ANXA13: variants seen among roughly 807,000 people sequenced by gnomAD.
ANXA13 encodes the protein annexin A13, also known as annexin XIII.
A neutral mutation model predicts 46.6 loss-of-function variants in ANXA13; 36 were observed. The ratio of observed to expected loss-of-function variants is 0.77; its 90% CI spans 0.59 to 1.02. The LOEUF is 1.02. ANXA13 is among the 50% of genes least tolerant of loss of function. The pLI is 0.00. For synonymous variants in ANXA13, 163 were observed against 152.9 expected (o/e 1.07, Z -0.49); for missense variants, 417 against 396.5 (o/e 1.05, Z -0.44).
At chr8:123,710,727 T>G (rs1008581754) in intron 2 of ANXA13, among the ~76,000 whole-genome samples, 2 of 151,868 alleles carry the variant, frequency 1.3e-5, no homozygotes, top group South Asian at 4.2e-4. Context: ...CTTACTGGCT[T>G]GGTGACTTTG....
chr8:123,713,131 C>G (rs1030869600), intron 1 of ANXA13, among the ~76,000 whole-genome samples: 1 of 152,214 alleles, frequency 6.6e-6, no homozygotes, highest in African/African-American at 2.4e-5. Flanking sequence ...TGAGACACAG[C>G]TATGTCTAAG....
intron 1 of ANXA13, 112 bp from the exon 2 acceptor site, chr8:123,712,865 G>A: frequency 1.1e-6 from 1 of 891,204 alleles, no homozygotes; most frequent in Non-Finnish European, 1.8e-6. Flanking sequence ...CCAGGGACCA[G>A]CTGTCACTTC....
At chr8:123,726,691 T>G (rs987818462) in intron 1 of ANXA13, among the ~76,000 whole-genome samples, 7 of 152,222 alleles carry the variant, frequency 4.6e-5, no homozygotes, top group Non-Finnish European at 7.3e-5. Flanking sequence ...GATCCAGCAA[T>G]CTCACTACTG....
At chr8:123,685,718 C>T (rs1404126081) in intron 9 of ANXA13, among the ~76,000 whole-genome samples, 3 of 152,116 alleles carry the variant, frequency 2.0e-5, no homozygotes, top group East Asian at 1.9e-4. Context: ...GGGGACCAGC[C>T]GCCTTTTACA....
At chr8:123,710,248 TGCCAAGTAAAAGAA>T (rs1304838817) in intron 2 of ANXA13, among the ~76,000 whole-genome samples, 2 of 152,192 alleles carry the variant, frequency 1.3e-5, no homozygotes, top group Non-Finnish European at 2.9e-5. Flanking sequence ...TAAAACATTA[TGCCAAGTAAAAGAA>T]GCCACATATC....
chr8:123,690,363 C>T lies in ANXA13; in HGVS notation c.643-1417G>A, dbSNP rs1056616165. 4.7e-4 allele frequency among the ~76,000 whole-genome samples: 71 copies of T among 152,278 alleles called. No individual in the cohort carries two copies. Among genetic ancestry groups the T allele is most frequent in the African/African-American group, 1.7e-3 (69 of 41,558 alleles). On this transcript the variant is annotated intron_variant, in intron 8 of 10. Coordinates refer to ENST00000419625, the MANE Select transcript of ANXA13 (RefSeq NM_004306.4). The surrounding 1 kb of genome is among the most constrained non-coding windows in gnomAD (Gnocchi z 4.6). Reference sequence around the variant, plus strand: ...CAGAAAGCAGAGCTGTGCTGGGAGGCGGGAGGTGGGCTCCTTTCCCTTGCC... The same window carrying T: ...CAGAAAGCAGAGCTGTGCTGGGAGGTGGGAGGTGGGCTCCTTTCCCTTGCC...
chr8:123,726,518 C>G (rs1813997637), intron 1 of ANXA13, among the ~76,000 whole-genome samples: 1 of 152,120 alleles, frequency 6.6e-6, no homozygotes, highest in African/African-American at 2.4e-5. Flanking sequence ...GGGGCTACAC[C>G]CAAACAGAGG....
Position 123,705,149 on chromosome 8 carries a change from A to G in ANXA13, c.92-2413T>C, listed in dbSNP as rs1313012279. 3.3e-5 allele frequency among the ~76,000 whole-genome samples: 5 copies of G among 152,134 alleles called. No homozygotes were observed. The East Asian group carries it at 7.7e-4, about 23-fold the overall frequency. ...GGCCCATCAGTCTTTTTTACTCTCA[A>G]ATACTACCAAGTCCTGCCTGTCTCA... On this transcript the variant is annotated intron_variant, in intron 2 of 10. Transcript: ENST00000419625.
At chr8:123,709,050 A>T (rs1308883998) in intron 2 of ANXA13, among the ~76,000 whole-genome samples, 1 of 151,776 alleles carries the variant, frequency 6.6e-6, no homozygotes, top group East Asian at 1.9e-4. Context: ...TTCTGGGGGG[A>T]TATATTTTTG....
chr8:123,724,139 C>G (rs2129929514), intron 1 of ANXA13, among the ~76,000 whole-genome samples: 1 of 152,252 alleles, frequency 6.6e-6, no homozygotes, highest in South Asian at 2.1e-4. Context: ...TAAATTTAAC[C>G]AAGGTGTCTG....
chr8:123,719,912 G>A (rs377454699), intron 1 of ANXA13, among the ~76,000 whole-genome samples: 1 of 152,150 alleles, frequency 6.6e-6, no homozygotes, highest in Admixed American at 6.5e-5. Context: ...GGTGGTGTGC[G>A]GTGTAGATGC....
At chr8:123,692,449 C>T (rs1256325502) in intron 8 of ANXA13, among the ~76,000 whole-genome samples, 1 of 152,160 alleles carries the variant, frequency 6.6e-6, no homozygotes, top group African/African-American at 2.4e-5. Context: ...CCACTCCAGG[C>T]GTTTTGCAAG....
chr8:123,730,233 A>G (rs1814089006), intron 1 of ANXA13, among the ~76,000 whole-genome samples: 2 of 152,196 alleles, frequency 1.3e-5, no homozygotes, highest in Admixed American at 1.3e-4. Flanking sequence ...TCTAGCTAAA[A>G]GCAGCACTCA....
chr8:123,725,155 C>T (rs1286625177), intron 1 of ANXA13, among the ~76,000 whole-genome samples: 2 of 152,004 alleles, frequency 1.3e-5, no homozygotes, highest in South Asian at 4.2e-4. Flanking sequence ...ATTAATTTTC[C>T]ATTTATGGTA....
At chr8:123,717,607 T>C (rs1035266377) in intron 1 of ANXA13, among the ~76,000 whole-genome samples, 5 of 152,204 alleles carry the variant, frequency 3.3e-5, no homozygotes, top group Non-Finnish European at 7.3e-5. Context: ...CCACTGAAAA[T>C]ATAATAGTAA....
At chr8:123,734,033 G>T (rs1298423593) in intron 1 of ANXA13, among the ~76,000 whole-genome samples, 1 of 152,230 alleles carries the variant, frequency 6.6e-6, no homozygotes, top group East Asian at 1.9e-4. Flanking sequence ...CACGCAATGT[G>T]GATGCTGCTA....
At chr8:123,721,805 AG>A (rs1246161754) in intron 1 of ANXA13, among the ~76,000 whole-genome samples, 1 of 152,206 alleles carries the variant, frequency 6.6e-6, no homozygotes. Context: ...GTTTACAAAT[AG>A]CAACTCATTT....
At chr8:123,736,059 A>C (rs1814260355) in intron 1 of ANXA13, among the ~76,000 whole-genome samples, 1 of 152,242 alleles carries the variant, frequency 6.6e-6, no homozygotes, top group Non-Finnish European at 1.5e-5. Context: ...GTTTCTCTGA[A>C]AGATACACTG....
chr8:123,708,021 G>A (rs74972376), intron 2 of ANXA13, among the ~76,000 whole-genome samples: 19 of 152,098 alleles, frequency 1.2e-4, no homozygotes, highest in Non-Finnish European at 2.4e-4. Flanking sequence ...CCAGGTCTCA[G>A]GTTGATCCGG....
Sources: allele counts gnomAD v4.1 joint callset (sites outside exome capture counted in the v4.1 genomes callset), GRCh38; gene constraint gnomAD v4.1.1; non-coding constraint Gnocchi (gnomAD v3.1); transcripts MANE v1.5; gene names NCBI Gene and HGNC (gene_info 2026-07-23, HGNC 2026-07-21).